The following ZDHHC20 variants were observed in gnomAD, a reference collection of about 807,000 sequenced individuals.
The protein encoded by ZDHHC20 is zDHHC palmitoyltransferase 20.
A neutral mutation model predicts 57.8 loss-of-function variants in ZDHHC20; 43 were observed. The ratio of observed to expected loss-of-function variants is 0.74; its 90% CI spans 0.58 to 0.96. ZDHHC20 has a LOEUF of 0.96. Among genes scored for constraint, ZDHHC20 ranks in the 40% least tolerant of loss-of-function variants. ZDHHC20 has a pLI of 0.00. For missense variants in ZDHHC20, 391 were observed against 441.1 expected (o/e 0.89, Z 1.02); for synonymous variants, 157 against 153.0 (o/e 1.03, Z -0.19).
chr13:21,448,847 G>A (rs9509725), intron 1 of ZDHHC20, among the ~76,000 whole-genome samples: 3,308 of 81,200 alleles, frequency 0.041, 108 homozygotes, highest in Middle Eastern at 0.1. Flanking sequence ...GTAGACATGG[G>A]AGACTTTTCA....
chr13:21,451,815 C>T (rs1487463989), intron 1 of ZDHHC20, among the ~76,000 whole-genome samples: 1 of 151,892 alleles, frequency 6.6e-6, no homozygotes, highest in African/African-American at 2.4e-5. Flanking sequence ...CATGGTGAAA[C>T]CCTGTCTCTA....
At chr13:21,426,442 T>C (rs148003521) in intron 1 of ZDHHC20, among the ~76,000 whole-genome samples, 39 of 152,262 alleles carry the variant, frequency 2.6e-4, no homozygotes, top group African/African-American at 8.7e-4. Context: ...CTTCCTGCAG[T>C]CAGTGTAACA....
intron 7 of ZDHHC20, among the ~76,000 whole-genome samples, chr13:21,400,056 A>G (rs1877400538): frequency 1.3e-5 from 2 of 151,764 alleles, no homozygotes; most frequent in Admixed American, 1.3e-4. Flanking sequence ...ATTACTATAA[A>G]ATTGCAGTAA....
intron 2 of ZDHHC20, among the ~76,000 whole-genome samples, chr13:21,422,889 T>C (rs1181190587): frequency 6.6e-6 from 1 of 152,198 alleles, no homozygotes; most frequent in Non-Finnish European, 1.5e-5. Flanking sequence ...TCAGTCACCA[T>C]ATTTGACTAT....
intron 4 of ZDHHC20, among the ~76,000 whole-genome samples, chr13:21,409,124 A>G (rs1432859212): frequency 6.6e-6 from 1 of 152,196 alleles, no homozygotes; most frequent in African/African-American, 2.4e-5. Flanking sequence ...TGGCCTCATA[A>G]AATGAGTTAG....
rs1336433260 is a variant in ZDHHC20 at position 21,409,984 on chromosome 13, G to T, written c.370+3668C>A. Among the ~76,000 whole-genome samples the T allele has an allele frequency of 2.0e-5, 3 of 152,142 alleles. No homozygotes were observed. The East Asian group carries it at 5.8e-4, about 29-fold the overall frequency. On this transcript the variant is annotated intron_variant, in intron 4 of 12. Transcript: ENST00000400590. ...AGGCATTCTGGTTTTGGAATTTTCA[G>T]CCTTTTTGCACTGGTTTTTCCTCAT...
rs397851910 is a variant in ZDHHC20 at position 21,441,549 on chromosome 13, C to CT, written c.119-15872dup. On this transcript the variant is annotated intron_variant, in intron 1 of 12. Transcript: ENST00000400590. ...TACAGGCGCCCGCCACCACGCCCGG[C>CT]TTTTTTTTTTTTTTTTTTTTTTTTT... Among the ~76,000 whole-genome samples the CT allele has an allele frequency of 1.6e-3, 103 of 65,336 alleles. 5 individuals carry two copies. The highest frequency in any genetic ancestry group is 4.3e-3 in the African/African-American group (64 of 14,786). 42.9% of individuals were successfully genotyped at this position (65,336 alleles called of 152,430 possible).
At chr13:21,394,787 T>G (rs1471753090) in intron 7 of ZDHHC20, among the ~76,000 whole-genome samples, 1 of 152,158 alleles carries the variant, frequency 6.6e-6, no homozygotes, top group African/African-American at 2.4e-5. Context: ...GGTGCCCAGC[T>G]AAGGGGGAAA....
Position 21,381,426 on chromosome 13 carries a change from A to T in ZDHHC20, c.1060+8T>A. On this transcript the variant is annotated splice_region_variant and intron_variant, in intron 11 of 12. Transcript: ENST00000400590. ...AGACAAAGCAGTGTTTCAAATGAGA[A>T]CTATTACCTGATTTGACGATGCCTT... 1.6e-5 allele frequency: 26 copies of T among 1,600,032 alleles called. No homozygotes were observed. The highest frequency in any genetic ancestry group is 2.2e-5 in the Non-Finnish European group (26 of 1,167,518).
chr13:21,432,954 T>C (rs1005461901), intron 1 of ZDHHC20, among the ~76,000 whole-genome samples: 1 of 152,246 alleles, frequency 6.6e-6, no homozygotes, highest in African/African-American at 2.4e-5. Flanking sequence ...GGTTTATTTC[T>C]GAACTCTATT....
chr13:21,414,571 C>G (rs1044840193), intron 3 of ZDHHC20, among the ~76,000 whole-genome samples: 3 of 132,794 alleles, frequency 2.3e-5, no homozygotes. Context: ...CGAGGTTTCA[C>G]CGTGTTAGCC....
At chr13:21,384,528 A>AG (rs1874097562) in intron 9 of ZDHHC20, among the ~76,000 whole-genome samples, 1 of 151,438 alleles carries the variant, frequency 6.6e-6, no homozygotes, top group South Asian at 2.1e-4. Context: ...GAGAGAGAGC[A>AG]AGATATGCAG....
At chr13:21,379,645 G>C (rs1391627328) in intron 11 of ZDHHC20, among the ~76,000 whole-genome samples, 3 of 151,926 alleles carry the variant, frequency 2.0e-5, no homozygotes, top group South Asian at 4.1e-4. Flanking sequence ...TTAAAAAACA[G>C]ATGTGTTTTA....
intron 1 of ZDHHC20, among the ~76,000 whole-genome samples, chr13:21,438,111 C>T (rs2137989349): frequency 6.6e-6 from 1 of 152,332 alleles, no homozygotes. Context: ...TGGAGATGTA[C>T]AAGGAGATTC....
At chr13:21,403,167 C>T (rs1037060922) in intron 4 of ZDHHC20, among the ~76,000 whole-genome samples, 25 of 152,072 alleles carry the variant, frequency 1.6e-4, no homozygotes, top group African/African-American at 5.6e-4. Context: ...TAGACCAGAA[C>T]TCAAGATTTA....
Position 21,401,750 on chromosome 13 carries a change from ATTTTC to A in ZDHHC20, c.441-70_441-66del, listed in dbSNP as rs557946946. The A allele has an allele frequency of 1.7e-5, 23 of 1,392,598 alleles. No homozygotes were observed. The African/African-American group carries it at 2.4e-4, about 15-fold the overall frequency. 86.3% of individuals were successfully genotyped at this position (1,392,598 alleles called of 1,614,324 possible). ...ATTCTTCTAATTCTAACTTCTCATA[ATTTTC>A]TTTTATTTGACTTAAAATTCCCTTT... On this transcript the variant is annotated intron_variant, in intron 5 of 12. Transcript: ENST00000400590.
chr13:21,387,682 T>C (rs1874817416), intron 8 of ZDHHC20, 48 bp from the exon 9 acceptor site: 3 of 1,200,208 alleles, frequency 2.5e-6, no homozygotes, highest in Non-Finnish European at 3.2e-6. Context: ...ATTTAAAAAT[T>C]ATAGGAGGGA....
chr13:21,432,880 T>C (rs1882134700), intron 1 of ZDHHC20, among the ~76,000 whole-genome samples: 1 of 152,242 alleles, frequency 6.6e-6, no homozygotes, highest in Non-Finnish European at 1.5e-5. Flanking sequence ...TTGAAATAAC[T>C]ATTTGTTCTT....
chr13:21,420,536 G>C (rs955448272), intron 3 of ZDHHC20, among the ~76,000 whole-genome samples: 1 of 152,290 alleles, frequency 6.6e-6, no homozygotes, highest in African/African-American at 2.4e-5. Context: ...CTATGGAGAG[G>C]TAAGAGAGAC....
Sources: allele counts gnomAD v4.1 joint callset (sites outside exome capture counted in the v4.1 genomes callset), GRCh38; gene constraint gnomAD v4.1.1; transcripts MANE v1.5; gene names NCBI Gene and HGNC (gene_info 2026-07-23, HGNC 2026-07-21).